Variants in SLC30A8 observed in about 807,000 individuals in gnomAD.
The protein encoded by SLC30A8 is solute carrier family 30 member 8, also known as proton-coupled zinc antiporter SLC30A8.
In SLC30A8, 27 loss-of-function variants were observed where a neutral mutation model predicts 36.9. That is an observed-to-expected ratio of 0.73 (90% CI 0.54 to 1.01). The LOEUF (loss-of-function observed/expected upper bound fraction) is 1.01, where lower values mean the gene tolerates loss of function less well. SLC30A8 is among the 50% of genes least tolerant of loss of function. SLC30A8 has a pLI of 0.00. For missense variants in SLC30A8, 439 were observed against 452.0 expected (o/e 0.97, Z 0.26); for synonymous variants, 164 against 172.4 (o/e 0.95, Z 0.38).
chr8:117,129,676 AAC>A (rs1821052027), intron 2 of SLC30A8, among the ~76,000 whole-genome samples: 1 of 152,024 alleles, frequency 6.6e-6, no homozygotes, highest in South Asian at 2.1e-4. Context: ...ATTATTTTTT[AAC>A]AGTTTAATAT....
intron 2 of SLC30A8, among the ~76,000 whole-genome samples, chr8:117,112,684 C>T (rs891234231): frequency 6.6e-6 from 1 of 152,112 alleles, no homozygotes; most frequent in African/African-American, 2.4e-5. Context: ...GGAAAAAAGT[C>T]ATCATATTAC....
chr8:117,004,113 C>T (rs566634275), intron 1 of SLC30A8, among the ~76,000 whole-genome samples: 8 of 152,264 alleles, frequency 5.3e-5, no homozygotes, highest in African/African-American at 1.7e-4. Context: ...ATTGTCCAGT[C>T]CCTGTTTATG....
chr8:116,970,686 T>C (rs1473251211), intron 1 of SLC30A8, among the ~76,000 whole-genome samples: 5 of 152,206 alleles, frequency 3.3e-5, no homozygotes, highest in African/African-American at 1.2e-4. Flanking sequence ...CAAAACGTCA[T>C]TATGTGGCTC....
chr8:117,169,103 G>A (rs923512456), intron 6 of SLC30A8, among the ~76,000 whole-genome samples: 18 of 151,928 alleles, frequency 1.2e-4, no homozygotes, highest in Admixed American at 2.0e-4. Flanking sequence ...TGGCTAATTT[G>A]AGACAAGAAC....
chr8:117,142,914 G>A (rs1821721174), intron 1 of SLC30A8, among the ~76,000 whole-genome samples: 1 of 152,054 alleles, frequency 6.6e-6, no homozygotes, highest in South Asian at 2.1e-4. Flanking sequence ...GATGGTGCAG[G>A]CCCTTTTTAG....
upstream of SLC30A8, chr8:116,950,837 C>T (rs1813970057): frequency 6.6e-6 from 1 of 152,194 alleles, no homozygotes; most frequent in Admixed American, 6.5e-5. Flanking sequence ...TTACCAGGTA[C>T]CTTACAGTTT....
chr8:117,060,626 T>G (rs1045810947), intron 2 of SLC30A8, among the ~76,000 whole-genome samples: 1 of 152,192 alleles, frequency 6.6e-6, no homozygotes, highest in African/African-American at 2.4e-5. Flanking sequence ...ATAAAGATTC[T>G]TCCTTCCATT....
At chr8:116,980,155 A>G (rs1488580812) in intron 1 of SLC30A8, among the ~76,000 whole-genome samples, 1 of 152,222 alleles carries the variant, frequency 6.6e-6, no homozygotes, top group African/African-American at 2.4e-5. Flanking sequence ...TCAAATAAGT[A>G]CATATTGCCT....
intron 2 of SLC30A8, among the ~76,000 whole-genome samples, chr8:117,092,888 C>CT (rs1469763961): frequency 6.6e-6 from 1 of 152,190 alleles, no homozygotes; most frequent in Non-Finnish European, 1.5e-5. Flanking sequence ...CAATCAGAGT[C>CT]TTTCACAGGC....
intron 1 of SLC30A8, among the ~76,000 whole-genome samples, chr8:117,037,381 C>A (rs1290824528): frequency 2.0e-5 from 3 of 152,174 alleles, no homozygotes; most frequent in Non-Finnish European, 2.9e-5. Context: ...CGAAGACTAA[C>A]TGTGGAATCC....
chr8:117,111,252 T>A (rs908074134), intron 2 of SLC30A8, among the ~76,000 whole-genome samples: 3 of 152,134 alleles, frequency 2.0e-5, no homozygotes, highest in Non-Finnish European at 2.9e-5. Flanking sequence ...CAAGACAGGA[T>A]CCAGATATAA....
intron 1 of SLC30A8, among the ~76,000 whole-genome samples, chr8:117,140,524 G>A (rs1821605170): frequency 6.6e-6 from 1 of 152,066 alleles, no homozygotes; most frequent in South Asian, 2.1e-4. Context: ...GATTCATTAT[G>A]TATGAGAGCA....
chr8:116,996,677 C>T (rs1197725253), intron 1 of SLC30A8, among the ~76,000 whole-genome samples: 1 of 151,890 alleles, frequency 6.6e-6, no homozygotes, highest in Admixed American at 6.6e-5. Context: ...ACACATTTAC[C>T]CTTGTATAGG....
chr8:117,110,581 C>G (rs959511931), intron 2 of SLC30A8, among the ~76,000 whole-genome samples: 1 of 152,148 alleles, frequency 6.6e-6, no homozygotes. Flanking sequence ...GGGCACATGA[C>G]GAAGCCTTTC....
rs200155117 is a variant in SLC30A8 at position 117,161,892 on chromosome 8, A to G, written c.723+4A>G. ...TGCACTTATTATCTACTTTAAGGTGAGTTTGAGTTTACCCACCATCCTAGT... is the reference window on the plus strand; with the variant it reads ...TGCACTTATTATCTACTTTAAGGTGGGTTTGAGTTTACCCACCATCCTAGT... On this transcript the variant is annotated splice_donor_region_variant and intron_variant, in intron 5 of 7. Transcript: ENST00000456015. 3 of 1,609,634 alleles carry G rather than the reference A, an allele frequency of 1.9e-6. No homozygotes were observed. The highest frequency in any genetic ancestry group is 2.5e-6 in the Non-Finnish European group (3 of 1,177,042).
At chr8:117,149,331 G>A (rs1822057998) in intron 2 of SLC30A8, among the ~76,000 whole-genome samples, 1 of 152,058 alleles carries the variant, frequency 6.6e-6, no homozygotes, top group Non-Finnish European at 1.5e-5. Flanking sequence ...TGCATTTTTG[G>A]CATTATGATA....
chr8:117,139,512 T>C (rs1821542385), intron 1 of SLC30A8, among the ~76,000 whole-genome samples: 1 of 152,142 alleles, frequency 6.6e-6, no homozygotes, highest in South Asian at 2.1e-4. Context: ...ACATTTTTGT[T>C]GTTTAAGCCA....
intron 1 of SLC30A8, among the ~76,000 whole-genome samples, chr8:116,955,880 C>T (rs943980265): frequency 1.3e-5 from 2 of 152,126 alleles, no homozygotes; most frequent in Admixed American, 6.5e-5. Flanking sequence ...GGACTTCAGG[C>T]CTCCAGAACT....
At chr8:117,051,631 G>A (rs1023267981) in intron 2 of SLC30A8, among the ~76,000 whole-genome samples, 10 of 152,004 alleles carry the variant, frequency 6.6e-5, no homozygotes, top group Non-Finnish European at 1.5e-4. Flanking sequence ...GGCTAACACG[G>A]TGAAACCCCA....
Sources: allele counts gnomAD v4.1 joint callset (sites outside exome capture counted in the v4.1 genomes callset), GRCh38; gene constraint gnomAD v4.1.1; transcripts MANE v1.5; gene names NCBI Gene and HGNC (gene_info 2026-07-23, HGNC 2026-07-21).